Variants in KBTBD2 observed in about 807,000 individuals in gnomAD.
KBTBD2 encodes kelch repeat and BTB domain containing 2.
KBTBD2 carries 17 observed loss-of-function variants against 57.1 expected under a neutral mutation model. The observed-to-expected ratio is 0.30, with a 90% CI of 0.20 to 0.45. The LOEUF (loss-of-function observed/expected upper bound fraction) is 0.45. Among genes scored for constraint, KBTBD2 ranks in the 20% least tolerant of loss-of-function variants. The probability of loss-of-function intolerance (pLI) is 1.00; values close to 1 mark genes in which losing one functional copy is unlikely to be tolerated. For missense variants in KBTBD2, 515 were observed against 750.6 expected (o/e 0.69, Z 3.67); for synonymous variants, 267 against 262.7 (o/e 1.02, Z -0.16).
chr7:32,886,318 GCTT>G (rs1231567514), intron 1 of KBTBD2, among the ~76,000 whole-genome samples: 1 of 152,138 alleles, frequency 6.6e-6, no homozygotes, highest in African/African-American at 2.4e-5. Context: ...GAAAACAAAT[GCTT>G]CTAATACATT....
intron 1 of KBTBD2, among the ~76,000 whole-genome samples, chr7:32,890,092 TAA>T (rs3081832): frequency 0.48 from 73,445 of 151,930 alleles, 19,390 homozygotes; most frequent in African/African-American, 0.71. Flanking sequence ...ACAGCACTCA[TAA>T]AGTCTTCCTA....
intron 1 of KBTBD2, among the ~76,000 whole-genome samples, chr7:32,888,788 A>C (rs1367636570): frequency 1.3e-5 from 2 of 152,036 alleles, no homozygotes; most frequent in South Asian, 4.1e-4. Flanking sequence ...ATACTGATAG[A>C]TGACATGGCT....
chr7:32,874,907 G>A, intron 3 of KBTBD2, 85 bp downstream of exon 3: 3 of 1,108,858 alleles, frequency 2.7e-6, no homozygotes, highest in South Asian at 1.5e-5. Context: ...GGAGGCGGAG[G>A]TTGCAGTGAG....
chr7:32,873,801 CA>C (rs1784240462), intron 3 of KBTBD2, among the ~76,000 whole-genome samples: 1 of 152,228 alleles, frequency 6.6e-6, no homozygotes, highest in East Asian at 1.9e-4. Flanking sequence ...CACACGAAAC[CA>C]GTATAAAATT....
At chr7:32,879,309 G>A in intron 2 of KBTBD2, 126 bp downstream of exon 2, 1 of 623,950 alleles carries the variant, frequency 1.6e-6, no homozygotes, top group Non-Finnish European at 2.7e-6. Context: ...AATGAGATTT[G>A]CCAAGTACTA....
intron 2 of KBTBD2, among the ~76,000 whole-genome samples, chr7:32,877,977 T>C (rs188728260): frequency 2.0e-5 from 3 of 151,660 alleles, no homozygotes; most frequent in East Asian, 2.0e-4. Context: ...CCGGGCATGG[T>C]GGTGTGTGCC....
At chr7:32,878,805 C>G (rs552181710) in intron 2 of KBTBD2, among the ~76,000 whole-genome samples, 6 of 152,218 alleles carry the variant, frequency 3.9e-5, no homozygotes, top group Middle Eastern at 3.4e-3. Context: ...AAACGTACAA[C>G]AAAGACGCAA....
At chr7:32,882,990 CAAAACAAAACA>C (rs781376266) in intron 1 of KBTBD2, among the ~76,000 whole-genome samples, 1 of 151,912 alleles carries the variant, frequency 6.6e-6, no homozygotes, top group Non-Finnish European at 1.5e-5. Context: ...GTCTCAAAAA[CAAAACAAAACA>C]AAAACAAAAA....
chr7:32,886,644 T>C (rs959459841), intron 1 of KBTBD2, among the ~76,000 whole-genome samples: 1 of 152,200 alleles, frequency 6.6e-6, no homozygotes, highest in African/African-American at 2.4e-5. Flanking sequence ...CAACTGTGTT[T>C]CTATGCAACA....
intron 3 of KBTBD2, 33 bp from the exon 4 acceptor site, chr7:32,870,913 T>C: frequency 6.0e-6 from 8 of 1,326,536 alleles, no homozygotes; most frequent in South Asian, 2.9e-5. Flanking sequence ...AACAGGCTGA[T>C]AGGGCCAGGA....
intron 1 of KBTBD2, among the ~76,000 whole-genome samples, chr7:32,880,903 C>T (rs1296540125): frequency 6.6e-6 from 1 of 151,976 alleles, no homozygotes; most frequent in Admixed American, 6.6e-5. Context: ...GAGTTCGAGA[C>T]CATCCTGACC....
intron 3 of KBTBD2, 32 bp from the exon 4 acceptor site, chr7:32,870,912 A>G: frequency 7.5e-7 from 1 of 1,341,898 alleles, no homozygotes; most frequent in Non-Finnish European, 1.0e-6. Context: ...AAACAGGCTG[A>G]TAGGGCCAGG....
In KBTBD2 at chr7:32,886,239, C is replaced by T. The variant is rs1437911019; in HGVS notation, c.-339+5297G>A. ...CCCACTGACTTTCTACGAATTATTA[C>T]AGGACAAAGTCCTATTTATTTTTAA... On this transcript the variant is annotated intron_variant, in intron 1 of 3. Transcript: ENST00000304056. 2.0e-5 allele frequency among the ~76,000 whole-genome samples: 3 copies of T among 152,120 alleles called. No homozygotes were observed. The East Asian group carries it at 5.8e-4, about 29-fold the overall frequency.
chr7:32,891,425 C>T (rs1481818307), intron 1 of KBTBD2, 111 bp downstream of exon 1: 9 of 150,848 alleles, frequency 6.0e-5, no homozygotes, highest in Middle Eastern at 3.5e-3. Flanking sequence ...CCGCCTCCCA[C>T]CCGCCGAGCC....
At chr7:32,887,622 T>C (rs985413349) in intron 1 of KBTBD2, among the ~76,000 whole-genome samples, 1 of 152,208 alleles carries the variant, frequency 6.6e-6, no homozygotes, top group African/African-American at 2.4e-5. Context: ...CACATTCAAA[T>C]TGTACATTAC....
At chr7:32,877,110 C>A (rs1359132657) in intron 2 of KBTBD2, among the ~76,000 whole-genome samples, 2 of 152,090 alleles carry the variant, frequency 1.3e-5, no homozygotes, top group Non-Finnish European at 2.9e-5. Flanking sequence ...CACCCAACTC[C>A]CAGGTTCAAG....
rs1342099826 is a variant in KBTBD2 at position 32,870,431 on chromosome 7, C to T, written c.786G>A (p.Gly262=). 7 of 1,613,774 alleles carry T rather than the reference C, an allele frequency of 4.3e-6. No homozygotes were observed. Among genetic ancestry groups the T allele is most frequent in the Non-Finnish European group, 5.9e-6 (7 of 1,179,902 alleles). Residue 262 remains glycine (G), a synonymous_variant, in exon 4 of 4, where the codon GGG becomes GGA. Transcript: ENST00000304056. ...SMPKFFKPRL[G]MTKEEMMIFI... ...AAATCATCATTTCCTCTTTAGTCAT[C>T]CCAAGTCTTGGTTTGAAAAACTTGG...
intron 1 of KBTBD2, among the ~76,000 whole-genome samples, chr7:32,880,597 A>G (rs1375477328): frequency 6.6e-6 from 1 of 152,096 alleles, no homozygotes; most frequent in Non-Finnish European, 1.5e-5. Flanking sequence ...CCTACCCAGA[A>G]AACTCCATAT....
At chr7:32,873,697 G>A (rs1298233307) in intron 3 of KBTBD2, among the ~76,000 whole-genome samples, 1 of 152,136 alleles carries the variant, frequency 6.6e-6, no homozygotes, top group Non-Finnish European at 1.5e-5. Flanking sequence ...TTGTGCCAGT[G>A]CACTCCAGCC....
Sources: gnomAD v4.1 joint callset for allele counts (sites outside exome capture counted in the v4.1 genomes callset) on GRCh38, gnomAD v4.1.1 for gene constraint, MANE v1.5 for transcripts, NCBI Gene and HGNC (gene_info 2026-07-23, HGNC 2026-07-21) for gene names.